The following NEGR1 variants were observed in gnomAD, a reference collection of about 807,000 sequenced individuals.
NEGR1 encodes IgLON family member 4.
Under a neutral mutation model 40.9 loss-of-function variants are expected in NEGR1, and 10 were observed. The observed-to-expected ratio is 0.24, with a 90% CI of 0.15 to 0.42. The LOEUF (loss-of-function observed/expected upper bound fraction) is 0.42. Among genes scored for constraint, NEGR1 ranks in the 10% least tolerant of loss-of-function variants. NEGR1 has a pLI of 1.00. For missense variants in NEGR1, 352 were observed against 438.9 expected (o/e 0.80, Z 1.77); for synonymous variants, 185 against 166.8 (o/e 1.11, Z -0.84).
intron 6 of NEGR1, among the ~76,000 whole-genome samples, chr1:71,506,573 A>T (rs1194106011): frequency 2.0e-5 from 3 of 152,176 alleles, no homozygotes; most frequent in Non-Finnish European, 4.4e-5. Context: ...ATTCTAAAAT[A>T]CAAAGCCATA....
At chr1:71,737,773 T>C (rs1039003612) in intron 3 of NEGR1, among the ~76,000 whole-genome samples, 1 of 152,192 alleles carries the variant, frequency 6.6e-6, no homozygotes, top group Non-Finnish European at 1.5e-5. Flanking sequence ...CTAATTTCCT[T>C]ACATTGCCGT....
At chr1:72,075,250 T>A (rs1004848440) in intron 1 of NEGR1, among the ~76,000 whole-genome samples, 3 of 152,280 alleles carry the variant, frequency 2.0e-5, no homozygotes, top group Admixed American at 2.0e-4. Context: ...AAATAGATGG[T>A]ACAGTTTTTA....
chr1:72,189,531 G>A (rs1481669099), intron 1 of NEGR1, among the ~76,000 whole-genome samples: 7 of 151,342 alleles, frequency 4.6e-5, no homozygotes, highest in East Asian at 1.9e-4. Flanking sequence ...TATGTCTTTC[G>A]TCCTTGATAA....
chr1:71,438,857 G>T (rs930513736), intron 6 of NEGR1, among the ~76,000 whole-genome samples: 2 of 152,212 alleles, frequency 1.3e-5, no homozygotes, highest in African/African-American at 2.4e-5. Flanking sequence ...TCACTGGCCA[G>T]TGATGGCGTG....
intron 6 of NEGR1, among the ~76,000 whole-genome samples, chr1:71,505,798 A>G (rs1157591644): frequency 1.3e-5 from 2 of 152,194 alleles, no homozygotes; most frequent in Non-Finnish European, 2.9e-5. Context: ...GTCAGACCTT[A>G]GAAAAAGTCC....
chr1:72,151,458 T>C (rs1457189683), intron 1 of NEGR1, among the ~76,000 whole-genome samples: 1 of 151,628 alleles, frequency 6.6e-6, no homozygotes, highest in Non-Finnish European at 1.5e-5. Flanking sequence ...GAAATGATAA[T>C]ACAATAGGAT....
chr1:71,805,337 C>T (rs1657724948), intron 2 of NEGR1, among the ~76,000 whole-genome samples: 1 of 152,140 alleles, frequency 6.6e-6, no homozygotes, highest in Non-Finnish European at 1.5e-5. Flanking sequence ...ACTCCCTCCC[C>T]TTTTGAAATC....
At chr1:71,853,091 T>C (rs1659657961) in intron 2 of NEGR1, among the ~76,000 whole-genome samples, 1 of 152,060 alleles carries the variant, frequency 6.6e-6, no homozygotes, top group Non-Finnish European at 1.5e-5. Flanking sequence ...TCAGTGACAA[T>C]AAACTGTGAA....
intron 2 of NEGR1, among the ~76,000 whole-genome samples, chr1:71,803,857 G>T (rs1269047730): frequency 2.0e-5 from 3 of 152,140 alleles, no homozygotes; most frequent in South Asian, 2.1e-4. Context: ...CTTGGTCATT[G>T]TTCACTTCAG....
At position 71,596,963 on chromosome 1, in the gene NEGR1, T is replaced by C. The variant is rs567967679; in HGVS notation, c.789-3995A>G. On this transcript the variant is annotated intron_variant, in intron 5 of 6. Coordinates refer to ENST00000357731, the MANE Select transcript of NEGR1 (RefSeq NM_173808.3). ...AACATGATAATGATATATCATTTTA[T>C]ATGAGTGGGTAGATTAATATGGTCT... 2.0e-5 allele frequency among the ~76,000 whole-genome samples: 3 copies of C among 152,334 alleles called. No homozygotes were observed. The East Asian group carries it at 5.8e-4, about 29-fold the overall frequency.
chr1:72,174,778 T>G (rs1652104844), intron 1 of NEGR1, among the ~76,000 whole-genome samples: 1 of 151,992 alleles, frequency 6.6e-6, no homozygotes, highest in African/African-American at 2.4e-5. Flanking sequence ...TAAAAAAAAT[T>G]TTCGGCTTTA....
At chr1:71,539,427 G>A (rs7518830) in intron 6 of NEGR1, among the ~76,000 whole-genome samples, 6,779 of 151,720 alleles carry the variant, frequency 0.045, 511 homozygotes, top group African/African-American at 0.15. Flanking sequence ...GAAAACATTA[G>A]CTGCACTCGG....
intron 2 of NEGR1, among the ~76,000 whole-genome samples, chr1:71,825,605 A>C (rs1658590514): frequency 6.6e-6 from 1 of 151,868 alleles, no homozygotes; most frequent in South Asian, 2.1e-4. Context: ...CCTTGTCTGC[A>C]CTTCCTCTCT....
rs191639165 is a variant in NEGR1 at position 71,447,907 on chromosome 1, T to G, written c.941-40337A>C. Among the ~76,000 whole-genome samples the G allele has an allele frequency of 2.8e-3, 429 of 152,332 alleles. 1 individual carries two copies. The highest frequency in any genetic ancestry group is 8.1e-3 in the South Asian group (39 of 4,830). On this transcript the variant is annotated intron_variant, in intron 6 of 6. Transcript: ENST00000357731. ...CCAAAATTTTATCATGGAAATTATT[T>G]CTCCTACAATAAGAAAAAACTAAAA...
intron 3 of NEGR1, among the ~76,000 whole-genome samples, chr1:71,742,990 A>T (rs1302850734): frequency 3.3e-5 from 5 of 152,174 alleles, no homozygotes; most frequent in African/African-American, 1.2e-4. Flanking sequence ...AAAAGAAGAC[A>T]CAAGAGAGGT....
intron 1 of NEGR1, among the ~76,000 whole-genome samples, chr1:72,013,974 A>T (rs995471245): frequency 1.4e-5 from 2 of 137,966 alleles, no homozygotes; most frequent in Admixed American, 7.3e-5. Flanking sequence ...AAAAAAAAAA[A>T]AAAAAAAAAA....
intron 1 of NEGR1, among the ~76,000 whole-genome samples, chr1:72,130,976 T>C (rs982978309): frequency 2.6e-5 from 4 of 152,198 alleles, no homozygotes; most frequent in Admixed American, 6.5e-5. Flanking sequence ...GGGAAATTGC[T>C]TAATAGAGAA....
intron 1 of NEGR1, among the ~76,000 whole-genome samples, chr1:72,116,441 C>G (rs954437322): frequency 6.6e-6 from 1 of 151,702 alleles, no homozygotes; most frequent in African/African-American, 2.4e-5. Flanking sequence ...TGCAAACTTA[C>G]ATTTAGCACT....
intron 4 of NEGR1, among the ~76,000 whole-genome samples, chr1:71,681,904 G>A (rs1652850846): frequency 6.6e-6 from 1 of 152,106 alleles, no homozygotes; most frequent in African/African-American, 2.4e-5. Flanking sequence ...TCAGCTCACT[G>A]CAACTTTCAC....
Sources: gnomAD v4.1 joint callset for allele counts (sites outside exome capture counted in the v4.1 genomes callset) on GRCh38, gnomAD v4.1.1 for gene constraint, MANE v1.5 for transcripts, NCBI Gene and HGNC (gene_info 2026-07-23, HGNC 2026-07-21) for gene names.